Variants in ARHGAP10 observed in about 807,000 individuals in gnomAD.
ARHGAP10 encodes Rho GTPase activating protein 10.
ARHGAP10 carries 87 observed loss-of-function variants against 108.6 expected under a neutral mutation model. The observed-to-expected ratio is 0.80, with a 90% CI of 0.67 to 0.96. The LOEUF (loss-of-function observed/expected upper bound fraction) is 0.96. Among genes scored for constraint, ARHGAP10 ranks in the 40% least tolerant of loss-of-function variants. The pLI is 0.00. For synonymous variants in ARHGAP10, 347 were observed against 341.1 expected, an observed-to-expected ratio of 1.02 and a Z score of -0.19; for missense variants, 939 against 954.5, an observed-to-expected ratio of 0.98 and a Z score of 0.21.
chr4:147,899,661 A>G (rs1391155939), intron 10 of ARHGAP10, among the ~76,000 whole-genome samples: 1 of 152,150 alleles, frequency 6.6e-6, no homozygotes, highest in Non-Finnish European at 1.5e-5. Flanking sequence ...AACAGAAGAA[A>G]GAAGTTACTA....
intron 3 of ARHGAP10, among the ~76,000 whole-genome samples, chr4:147,830,481 C>T (rs144821459): frequency 0.036 from 4,778 of 133,644 alleles, 105 homozygotes; most frequent in Non-Finnish European, 0.049. Context: ...GTTTTTGCCA[C>T]TTTTTTTTTA....
intron 13 of ARHGAP10, among the ~76,000 whole-genome samples, chr4:147,937,156 CA>C (rs1447597846): frequency 2.6e-5 from 4 of 152,128 alleles, no homozygotes; most frequent in African/African-American, 9.7e-5. Flanking sequence ...GCTGAATAAA[CA>C]ATAGAAATCA....
chr4:147,752,792 G>A (rs1729213346), intron 1 of ARHGAP10, among the ~76,000 whole-genome samples: 1 of 152,232 alleles, frequency 6.6e-6, no homozygotes. Flanking sequence ...CTCCCAAAGT[G>A]CCGGGATTAC....
At chr4:147,857,237 TG>T (rs1734129660) in intron 4 of ARHGAP10, among the ~76,000 whole-genome samples, 4 of 152,350 alleles carry the variant, frequency 2.6e-5, no homozygotes, top group Admixed American at 2.6e-4. Context: ...TTACGTATTT[TG>T]TTTCATTCGG....
intron 13 of ARHGAP10, among the ~76,000 whole-genome samples, chr4:147,915,082 T>C (rs1736916152): frequency 6.6e-6 from 1 of 152,220 alleles, no homozygotes; most frequent in Non-Finnish European, 1.5e-5. Context: ...TGCCTTCACA[T>C]TCTCTCTCCA....
At chr4:147,850,399 C>T (rs1331940689) in intron 4 of ARHGAP10, among the ~76,000 whole-genome samples, 2 of 152,220 alleles carry the variant, frequency 1.3e-5, no homozygotes, top group South Asian at 2.1e-4. Context: ...GCTGCTCACT[C>T]TTTGGGTCCA....
intron 1 of ARHGAP10, among the ~76,000 whole-genome samples, chr4:147,739,347 C>A (rs763437526): frequency 6.6e-6 from 1 of 152,096 alleles, no homozygotes; most frequent in African/African-American, 2.4e-5. Context: ...AATCTATAGT[C>A]GAGGTTCAGG....
At chr4:148,025,975 C>T (rs547451312) in intron 19 of ARHGAP10, among the ~76,000 whole-genome samples, 149 of 152,128 alleles carry the variant, frequency 9.8e-4, no homozygotes, top group African/African-American at 3.5e-3. Flanking sequence ...CTCTTCCCTG[C>T]CCCCGCCCCG....
intron 19 of ARHGAP10, among the ~76,000 whole-genome samples, chr4:148,039,610 C>T (rs1460276726): frequency 6.6e-6 from 1 of 151,782 alleles, no homozygotes. Context: ...TAGGATACTA[C>T]TTCAATTTCC....
chr4:148,068,678 C>CTGGT (rs1730011811), intron 22 of ARHGAP10, among the ~76,000 whole-genome samples: 1 of 152,190 alleles, frequency 6.6e-6, no homozygotes, highest in Non-Finnish European at 1.5e-5. Context: ...ATTCAAGCTA[C>CTGGT]TGGTTGCCTC....
chr4:147,994,085 G>T (rs1258981175), intron 18 of ARHGAP10, among the ~76,000 whole-genome samples: 2 of 152,198 alleles, frequency 1.3e-5, no homozygotes, highest in Non-Finnish European at 2.9e-5. Context: ...GGGATTTCGG[G>T]CAGCTAAGCC....
chr4:147,738,008 G>GTGT (rs1187085629), intron 1 of ARHGAP10, among the ~76,000 whole-genome samples: 2 of 149,926 alleles, frequency 1.3e-5, no homozygotes, highest in South Asian at 2.1e-4. Flanking sequence ...CCTTGTCGCT[G>GTGT]TGTTGTTGTT....
At chr4:147,837,048 G>C (rs2126804621) in intron 3 of ARHGAP10, among the ~76,000 whole-genome samples, 1 of 152,170 alleles carries the variant, frequency 6.6e-6, no homozygotes, top group Non-Finnish European at 1.5e-5. Flanking sequence ...TTCACTTTTT[G>C]TCAACATTAG....
intron 4 of ARHGAP10, among the ~76,000 whole-genome samples, chr4:147,854,428 C>T (rs1734008000): frequency 2.6e-5 from 4 of 152,182 alleles, no homozygotes; most frequent in Admixed American, 2.6e-4. Flanking sequence ...CTCCTGATTG[C>T]ATTTCTCTCC....
At chr4:148,049,388 T>A (rs1360734524) in intron 20 of ARHGAP10, among the ~76,000 whole-genome samples, 4 of 152,198 alleles carry the variant, frequency 2.6e-5, no homozygotes, top group African/African-American at 9.7e-5. Flanking sequence ...CTGAGGAGCG[T>A]AATTAGGATA....
intron 3 of ARHGAP10, among the ~76,000 whole-genome samples, chr4:147,836,732 A>C (rs1313792467): frequency 6.6e-6 from 1 of 152,166 alleles, no homozygotes; most frequent in Non-Finnish European, 1.5e-5. Flanking sequence ...TTTTTACATT[A>C]GTTTCTCTAC....
At chr4:148,049,800 T>TG (rs1553976351) in intron 20 of ARHGAP10, among the ~76,000 whole-genome samples, 1 of 146,284 alleles carries the variant, frequency 6.8e-6, no homozygotes. Context: ...AAATTGTTTT[T>TG]TTTGTTTGTT....
chr4:147,758,805 C>T (rs1273698929), intron 1 of ARHGAP10, among the ~76,000 whole-genome samples: 1 of 151,536 alleles, frequency 6.6e-6, no homozygotes, highest in Non-Finnish European at 1.5e-5. Context: ...ATGGTGAAAC[C>T]CGGTCTCTAC....
At chr4:147,950,683 T>C (rs1738565690) in intron 15 of ARHGAP10, among the ~76,000 whole-genome samples, 1 of 152,200 alleles carries the variant, frequency 6.6e-6, no homozygotes, top group African/African-American at 2.4e-5. Context: ...CATCCCTCTT[T>C]TTCTTCTACT....
Sources: gnomAD v4.1 joint callset for allele counts (sites outside exome capture counted in the v4.1 genomes callset) on GRCh38, gnomAD v4.1.1 for gene constraint, MANE v1.5 for transcripts, NCBI Gene and HGNC (gene_info 2026-07-23, HGNC 2026-07-21) for gene names.